DSCAM: variants seen among roughly 807,000 people sequenced by gnomAD.
DSCAM encodes cell adhesion molecule DSCAM.
DSCAM carries 47 observed loss-of-function variants against 217.7 expected under a neutral mutation model. The observed-to-expected ratio is 0.22, with a 90% CI of 0.17 to 0.28. The LOEUF (loss-of-function observed/expected upper bound fraction) is 0.28, where lower values mean the gene tolerates loss of function less well. DSCAM is among the 10% of genes least tolerant of loss of function. The probability of loss-of-function intolerance (pLI) is 1.00; values close to 1 mark genes in which losing one functional copy is unlikely to be tolerated. For missense variants in DSCAM, 2,080 were observed against 2,618.3 expected (o/e 0.79, Z 4.49); for synonymous variants, 1,056 against 1,015.3 (o/e 1.04, Z -0.76).
chr21:40,335,970 T>G (rs2074426121), intron 8 of DSCAM, among the ~76,000 whole-genome samples: 1 of 152,158 alleles, frequency 6.6e-6, no homozygotes. Context: ...ATGCATACTG[T>G]GAGTTGGTTT....
rs561177605 is a variant in DSCAM, at chr21:40,650,501, C to T, written c.508+42309G>A. 2.0e-5 allele frequency among the ~76,000 whole-genome samples: 3 copies of T among 152,356 alleles called. No homozygotes were observed. In the East Asian group the frequency reaches 5.8e-4, roughly 29 times the overall value. ...CAGTGAACTGAGTAAAGAAGATTGT[C>T]TTCAGCCACGTGGGCTGGCGTCGTC... On this transcript the variant is annotated intron_variant, in intron 3 of 32. Transcript: ENST00000400454.
chr21:40,071,647 T>C (rs1601297798), intron 27 of DSCAM, among the ~76,000 whole-genome samples: 1 of 152,240 alleles, frequency 6.6e-6, no homozygotes, highest in African/African-American at 2.4e-5. Context: ...TTGATCCTGA[T>C]AGATGGTTGC....
intron 1 of DSCAM, among the ~76,000 whole-genome samples, chr21:40,712,738 A>T (rs1171166053): frequency 2.6e-5 from 4 of 152,150 alleles, no homozygotes; most frequent in Non-Finnish European, 5.9e-5. Context: ...CTATTTTACA[A>T]AATTACAACT....
At chr21:40,633,170 G>A (rs574967906) in intron 3 of DSCAM, among the ~76,000 whole-genome samples, 2 of 152,338 alleles carry the variant, frequency 1.3e-5, no homozygotes, top group South Asian at 4.1e-4. Flanking sequence ...AATGCTGGGT[G>A]ACAGTTACTT....
intron 5 of DSCAM, among the ~76,000 whole-genome samples, chr21:40,350,309 C>T (rs2074615565): frequency 6.6e-6 from 1 of 152,088 alleles, no homozygotes; most frequent in South Asian, 2.1e-4. Context: ...AACTAATAAG[C>T]TTCTACTTAC....
chr21:40,464,819 C>T lies in DSCAM; in HGVS notation c.509-95574G>A, dbSNP rs139685681. ...ACGGTGGTGCAATCTCAGCTCACTG[C>T]AACCTCTGCCTCCCAGATCCATGCA... is the stretch of plus-strand genomic sequence containing the variant. On this transcript the variant is annotated intron_variant, in intron 3 of 32. Coordinates refer to ENST00000400454, the MANE Select transcript of DSCAM (RefSeq NM_001389.5). 5.0e-3 allele frequency among the ~76,000 whole-genome samples: 763 copies of T among 151,472 alleles called. 8 individuals carry two copies. Among genetic ancestry groups the T allele is most frequent in the African/African-American group, 0.017 (720 of 41,160 alleles).
chr21:40,643,681 A>T (rs761354814), intron 3 of DSCAM, among the ~76,000 whole-genome samples: 1 of 152,178 alleles, frequency 6.6e-6, no homozygotes, highest in Non-Finnish European at 1.5e-5. Flanking sequence ...AGAGTCTTCA[A>T]GTTAGAATGA....
In DSCAM at chr21:40,296,121, C is replaced by A; in HGVS notation, c.2116G>T (p.Ala706Ser). The change falls in exon 10 of 33, where the codon GCA becomes TCA. Residue 706 changes from alanine (A) to serine (S), a missense_variant. Physicochemically the swap from Ala to Ser is moderately conservative, Grantham distance 99 (BLOSUM62 1). Coordinates refer to ENST00000400454, the MANE Select transcript of DSCAM (RefSeq NM_001389.5). ...PRDQDGIYGKAVILNCSAEGY... is the reference protein window; with the variant it reads ...PRDQDGIYGKSVILNCSAEGY... ...TCAGCAGAACAATTGAGGATGACTG[C>A]TTTGCCATAAATCCCGTCCTGGTCC... 6.2e-7 allele frequency: 1 copy of A among 1,614,122 alleles called. No homozygotes were observed. Among genetic ancestry groups the A allele is most frequent in the Non-Finnish European group, 8.5e-7 (1 of 1,179,976 alleles).
intron 25 of DSCAM, 41 bp downstream of exon 25, chr21:40,080,111 A>G: frequency 7.0e-7 from 1 of 1,429,660 alleles, no homozygotes; most frequent in Non-Finnish European, 9.5e-7. Context: ...TCTGGCCGGG[A>G]AAAGAAAGGA....
At chr21:40,615,030 G>A (rs541651113) in intron 3 of DSCAM, among the ~76,000 whole-genome samples, 4 of 151,770 alleles carry the variant, frequency 2.6e-5, no homozygotes, top group Non-Finnish European at 4.4e-5. Flanking sequence ...GGGGCCAGGC[G>A]TAGTGGCTCA....
intron 3 of DSCAM, among the ~76,000 whole-genome samples, chr21:40,462,482 G>A (rs1488641404): frequency 6.6e-6 from 1 of 152,172 alleles, no homozygotes; most frequent in African/African-American, 2.4e-5. Context: ...CATCCAAAAT[G>A]TTACTGCACA....
chr21:40,432,421 G>A (rs775289123), intron 3 of DSCAM, among the ~76,000 whole-genome samples: 49 of 151,910 alleles, frequency 3.2e-4, no homozygotes, highest in Non-Finnish European at 5.7e-4. Context: ...CTCCCACTTC[G>A]GCCCTCCAGC....
chr21:40,757,442 G>A (rs933720752), intron 1 of DSCAM, among the ~76,000 whole-genome samples: 6 of 152,186 alleles, frequency 3.9e-5, no homozygotes, highest in African/African-American at 1.2e-4. Flanking sequence ...TGCATGTCCT[G>A]TGCAACGTGA....
At chr21:40,574,064 T>C (rs985284442) in intron 3 of DSCAM, among the ~76,000 whole-genome samples, 1 of 149,970 alleles carries the variant, frequency 6.7e-6, no homozygotes, top group Admixed American at 6.7e-5. Context: ...GAAGGCGTAA[T>C]ACCAATTACC....
chr21:40,761,119 A>G (rs2091329673), intron 1 of DSCAM, among the ~76,000 whole-genome samples: 1 of 152,224 alleles, frequency 6.6e-6, no homozygotes, highest in South Asian at 2.1e-4. Context: ...AATGACTTCA[A>G]GTTAAACCCA....
chr21:40,156,330 AGAGAGAGAG>A, intron 16 of DSCAM, among the ~76,000 whole-genome samples: 1 of 141,292 alleles, frequency 7.1e-6, no homozygotes, highest in African/African-American at 2.9e-5. Context: ...AGAGAGAGAG[AGAGAGAGAG>A]AAAGGGGCTT....
At chr21:40,265,140 C>T (rs1011287448) in intron 11 of DSCAM, among the ~76,000 whole-genome samples, 3 of 151,064 alleles carry the variant, frequency 2.0e-5, no homozygotes, top group Non-Finnish European at 4.4e-5. Context: ...TGCAGTGAGC[C>T]GAAATCGTAC....
chr21:40,350,041 T>TC (rs1454690164), intron 5 of DSCAM, among the ~76,000 whole-genome samples: 4 of 152,042 alleles, frequency 2.6e-5, no homozygotes, highest in Middle Eastern at 3.4e-3. Flanking sequence ...CTGGTAATCT[T>TC]CTCCTATTAT....
intron 1 of DSCAM, among the ~76,000 whole-genome samples, chr21:40,739,783 T>TG (rs2091104047): frequency 1.8e-5 from 1 of 57,006 alleles, no homozygotes. Flanking sequence ...GAGAATTAGT[T>TG]TTTTTTTTTT....
Sources: gnomAD v4.1 joint callset for allele counts (sites outside exome capture counted in the v4.1 genomes callset) on GRCh38, gnomAD v4.1.1 for gene constraint, MANE v1.5 for transcripts, NCBI Gene and HGNC (gene_info 2026-07-23, HGNC 2026-07-21) for gene names.